The following STK3 variants were observed in gnomAD, a reference collection of about 807,000 sequenced individuals.
The protein encoded by STK3 is serine/threonine kinase 3, also known as serine/threonine-protein kinase 3.
A neutral mutation model predicts 58.0 loss-of-function variants in STK3; 41 were observed. That is an observed-to-expected ratio of 0.71 (90% CI 0.55 to 0.92). STK3 has a LOEUF of 0.92. Ranked by LOEUF, STK3 falls within the 40% of genes least tolerant of loss-of-function variation. The pLI is 0.00. For synonymous variants in STK3, 170 were observed against 191.0 expected (o/e 0.89, Z 0.91); for missense variants, 479 against 602.7 (o/e 0.79, Z 2.15).
chr8:98,381,660 A>G (rs1179713351), intron 1 of STK3, among the ~76,000 whole-genome samples: 1 of 152,166 alleles, frequency 6.6e-6, no homozygotes, highest in Non-Finnish European at 1.5e-5. Context: ...TAACTCTCAC[A>G]CCTTTTGAGG....
At chr8:98,542,564 C>T (rs762666994) in intron 9 of STK3, among the ~76,000 whole-genome samples, 2 of 152,162 alleles carry the variant, frequency 1.3e-5, no homozygotes, top group East Asian at 1.9e-4. Flanking sequence ...AAGAATTTGC[C>T]GTGGGAAGAA....
chr8:98,829,416 A>G (rs978208997), upstream of STK3, among the ~76,000 whole-genome samples: 1 of 152,226 alleles, frequency 6.6e-6, no homozygotes, highest in African/African-American at 2.4e-5. Flanking sequence ...ATACACCCAT[A>G]AAGAATTGTG....
At chr8:98,452,789 C>CT (rs2131124789), downstream of STK3, among the ~76,000 whole-genome samples, 1 of 140,652 alleles carries the variant, frequency 7.1e-6, no homozygotes, top group South Asian at 2.2e-4. Context: ...GAGACAAAGC[C>CT]TTACTCTGTT....
chr8:98,460,477 T>C (rs530249885), intron 10 of STK3, among the ~76,000 whole-genome samples: 1 of 152,312 alleles, frequency 6.6e-6, no homozygotes, highest in East Asian at 1.9e-4. Flanking sequence ...AGTTAACACG[T>C]TGGGGAACTA....
intron 1 of STK3, among the ~76,000 whole-genome samples, chr8:98,901,624 G>A (rs1475039464): frequency 2.6e-5 from 4 of 152,228 alleles, no homozygotes; most frequent in African/African-American, 9.6e-5. Flanking sequence ...GGCAGATCTG[G>A]TCACTGCTGG....
intron 4 of STK3, among the ~76,000 whole-genome samples, chr8:98,712,004 C>G (rs905024900): frequency 1.3e-5 from 2 of 152,186 alleles, no homozygotes; most frequent in African/African-American, 4.8e-5. Flanking sequence ...AAAGAATTTT[C>G]AACCCAGAAT....
At chr8:98,387,444 T>A (rs1817801375) in intron 1 of STK3, among the ~76,000 whole-genome samples, 1 of 152,182 alleles carries the variant, frequency 6.6e-6, no homozygotes, top group Non-Finnish European at 1.5e-5. Context: ...GTATTTCCCT[T>A]CTCTGATTAA....
rs1237780141 is a variant in STK3 at position 98,706,516 on chromosome 8, A to G, written c.635T>C (p.Ile212Thr). The stretch of plus-strand genomic sequence containing the variant: ...AGGAGGTTTTCCTTCAGCCATTTCT[A>G]TAGAAGTAATGCCAAGGGACCAGAT... The part of the protein sequence containing the change: ...ADIWSLGITS[I>T]EMAEGKPPYA... Residue 212 changes from isoleucine to threonine, a missense_variant, in exon 6 of 11, where the codon ATA becomes ACA. This residue lies in a region of STK3 where 309 missense variants were observed against 355.7 expected (regional missense o/e 0.87). Transcript: ENST00000419617. 1 of 1,613,918 alleles carries G rather than the reference A, an allele frequency of 6.2e-7. No homozygotes were observed. Among genetic ancestry groups the G allele is most frequent in the Non-Finnish European group, 8.5e-7 (1 of 1,179,902 alleles).
At chr8:98,748,009 G>T (rs1245935155) in intron 4 of STK3, among the ~76,000 whole-genome samples, 2 of 152,170 alleles carry the variant, frequency 1.3e-5, no homozygotes, top group Non-Finnish European at 2.9e-5. Flanking sequence ...TGTCTTCACA[G>T]TTGTAATTAT....
chr8:98,795,195 A>G (rs1300989655), intron 1 of STK3, among the ~76,000 whole-genome samples: 1 of 147,354 alleles, frequency 6.8e-6, no homozygotes, highest in African/African-American at 2.5e-5. Flanking sequence ...AGTAAGTTTC[A>G]TTCCTGGGAT....
intron 3 of STK3, among the ~76,000 whole-genome samples, chr8:98,878,407 G>A (rs1322829771): frequency 6.6e-6 from 1 of 151,968 alleles, no homozygotes; most frequent in Non-Finnish European, 1.5e-5. Flanking sequence ...TCCTCATAAA[G>A]CAACCTTTTT....
In STK3 at chr8:98,471,639, G is replaced by A. The variant is rs544896646; in HGVS notation, c.1318-15639C>T. On this transcript the variant is annotated intron_variant, in intron 10 of 10. Coordinates refer to ENST00000419617, the MANE Select transcript of STK3 (RefSeq NM_006281.4). The stretch of plus-strand genomic sequence containing the variant: ...TGGCTATACGACTACTCCAAGTACC[G>A]TTTCTACTGAATGTGTATCACTTTC... Among the ~76,000 whole-genome samples the A allele has an allele frequency of 1.8e-4, 28 of 152,176 alleles. No homozygotes were observed. The South Asian group carries it at 4.6e-3, about 25-fold the overall frequency.
downstream of STK3, chr8:98,882,871 A>G (rs908594111): frequency 1.3e-5 from 2 of 152,178 alleles, no homozygotes; most frequent in African/African-American, 2.4e-5. Flanking sequence ...TCAATACCAA[A>G]ATGGCCATTT....
At chr8:98,604,826 A>G (rs1305494758) in intron 6 of STK3, among the ~76,000 whole-genome samples, 2 of 152,202 alleles carry the variant, frequency 1.3e-5, no homozygotes, top group East Asian at 3.9e-4. Flanking sequence ...TTGCTCATGC[A>G]TATGGGCACA....
intron 6 of STK3, among the ~76,000 whole-genome samples, chr8:98,663,585 A>G (rs924737056): frequency 6.6e-6 from 1 of 152,186 alleles, no homozygotes; most frequent in Non-Finnish European, 1.5e-5. Flanking sequence ...TGTTTACTGC[A>G]GCACTATTCA....
rs549796283 is a variant in STK3, at chr8:98,719,882, T to C, written c.352-12571A>G. ...GTGGAGAGTGCAGATCTGAAGTTTA[T>C]ACAGCCTCTCTTTCATTATGCTTCC... is the stretch of plus-strand genomic sequence containing the variant. On this transcript the variant is annotated intron_variant, in intron 4 of 10. Coordinates refer to ENST00000419617, the MANE Select transcript of STK3 (RefSeq NM_006281.4). Among the ~76,000 whole-genome samples, 7 of 152,332 alleles carry C rather than the reference T, an allele frequency of 4.6e-5. No homozygotes were observed. In the South Asian group the frequency reaches 1.2e-3, roughly 27 times the overall value.
intron 7 of STK3, among the ~76,000 whole-genome samples, chr8:98,590,099 C>G (rs1294556546): frequency 1.3e-5 from 2 of 152,220 alleles, no homozygotes; most frequent in Non-Finnish European, 2.9e-5. Context: ...GGAGCTGTTC[C>G]TATTCGGCCA....
chr8:98,904,699 A>G (rs956274691), intron 1 of STK3: 2 of 783,274 alleles, frequency 2.6e-6, no homozygotes, highest in Non-Finnish European at 4.3e-6. Context: ...GAAATAACTC[A>G]CTCTCTGGCC....
At chr8:98,398,876 C>CT (rs1201048270), downstream of STK3, among the ~76,000 whole-genome samples, 3 of 152,176 alleles carry the variant, frequency 2.0e-5, no homozygotes, top group African/African-American at 7.2e-5. Flanking sequence ...GAGGCCACAG[C>CT]GTTAAATCCC....
Sources: allele counts gnomAD v4.1 joint callset (sites outside exome capture counted in the v4.1 genomes callset), GRCh38; gene constraint gnomAD v4.1.1; regional missense constraint gnomAD v4.1.1; transcripts MANE v1.5; gene names NCBI Gene and HGNC (gene_info 2026-07-23, HGNC 2026-07-21).